SPIB: variants seen among roughly 807,000 people sequenced by gnomAD.
SPIB encodes Spi-B transcription factor.
SPIB carries 7 observed loss-of-function variants against 31.9 expected under a neutral mutation model. The ratio of observed to expected loss-of-function variants is 0.22; its 90% CI spans 0.12 to 0.41. The LOEUF is 0.41. SPIB is among the 10% of genes least tolerant of loss of function. The pLI is 1.00. For missense variants in SPIB, 327 were observed against 360.2 expected, an observed-to-expected ratio of 0.91 and a Z score of 0.75; for synonymous variants, 176 against 158.9, an observed-to-expected ratio of 1.11 and a Z score of -0.81.
intron 5 of SPIB, among the ~76,000 whole-genome samples, chr19:50,427,257 G>A (rs1167756517): frequency 6.6e-6 from 1 of 151,906 alleles, no homozygotes; most frequent in Non-Finnish European, 1.5e-5. Flanking sequence ...GGGCGCAGTG[G>A]CTCATGCCTG....
At chr19:50,427,978 AT>A in intron 5 of SPIB, 59 bp from the exon 6 acceptor site, 1 of 1,429,778 alleles carries the variant, frequency 7.0e-7, no homozygotes, top group Middle Eastern at 2.5e-4. Context: ...AGGAGGGTGG[AT>A]GGGGAAGGCG....
intron 4 of SPIB, among the ~76,000 whole-genome samples, 171 bp from the exon 5 acceptor site, chr19:50,423,434 G>T (rs1402369730): frequency 2.6e-5 from 4 of 152,120 alleles, no homozygotes; most frequent in African/African-American, 4.8e-5. Context: ...CTTTGAGGAG[G>T]TACCTCAGGT....
intron 5 of SPIB, among the ~76,000 whole-genome samples, chr19:50,425,585 C>T (rs546991729): frequency 6.6e-6 from 1 of 152,180 alleles, no homozygotes; most frequent in Admixed American, 6.5e-5. Flanking sequence ...GGACCACAGG[C>T]GTACACCACC....
chr19:50,422,910 C>A lies in SPIB; in HGVS notation c.212C>A (p.Pro71His). The A allele has an allele frequency of 6.2e-7, 1 of 1,606,912 alleles. No homozygotes were observed. Among genetic ancestry groups the A allele is most frequent in the South Asian group, 1.1e-5 (1 of 90,734 alleles). Reference sequence around the variant, plus strand: ...CCGGCAGCAGCCGCTTTTAGCCACCCCCAGGCTGCCCAGCTCTGCTACGAA... The same window carrying A: ...CCGGCAGCAGCCGCTTTTAGCCACCACCAGGCTGCCCAGCTCTGCTACGAA... ...FDPAAAAFSH[P>H]QAAQLCYEPP... Residue 71 changes from proline (P) to histidine (H), a missense_variant, in exon 4 of 6, where the codon CCC becomes CAC. Physicochemically the swap from Pro to His is moderately conservative, Grantham distance 77. Transcript: ENST00000595883.
chr19:50,427,577 G>A (rs978992193), intron 5 of SPIB, among the ~76,000 whole-genome samples: 1 of 152,162 alleles, frequency 6.6e-6, no homozygotes, highest in Admixed American at 6.5e-5. Flanking sequence ...GGCCTCTCCC[G>A]GGACCCTGTC....
rs1232950892 is a variant in SPIB at position 50,429,482 on chromosome 19, G to A, written c.*1146G>A. 6.6e-6 allele frequency: 1 copy of A among 151,552 alleles called. No individual in the cohort carries two copies. Among genetic ancestry groups the A allele is most frequent in the Non-Finnish European group, 1.5e-5 (1 of 68,034 alleles). 9.4% of individuals were successfully genotyped at this position (151,552 alleles called of 1,614,324 possible). A position where few individuals can be genotyped will look rare whatever the true frequency, so the allele number is the denominator to read the frequency against. On this transcript the variant is annotated 3_prime_UTR_variant, in exon 6 of 6. Coordinates refer to ENST00000595883, the MANE Select transcript of SPIB (RefSeq NM_003121.5). The stretch of plus-strand genomic sequence containing the variant: ...CTTTGGGAGGCGAGGCAGGGGGAAT[G>A]GCTTGAACCCAGGCATTCAAGACCA...
At chr19:50,419,790 G>C in intron 1 of SPIB, 156 bp from the exon 2 acceptor site, 1 of 641,320 alleles carries the variant, frequency 1.6e-6, no homozygotes, top group Non-Finnish European at 2.5e-6. Flanking sequence ...CCCAGCAGGG[G>C]GTAGTGGGGG....
At chr19:50,421,230 G>A (rs555122355) in intron 2 of SPIB, among the ~76,000 whole-genome samples, 79 of 152,288 alleles carry the variant, frequency 5.2e-4, no homozygotes, top group African/African-American at 1.8e-3. Flanking sequence ...CCAGGTCCTA[G>A]GCATGGTGTG....
chr19:50,423,197 C>A (rs374394428), intron 4 of SPIB, 160 bp downstream of exon 4: 46 of 419,996 alleles, frequency 1.1e-4, no homozygotes, highest in African/African-American at 8.4e-4. Context: ...AGAGCAAGAC[C>A]CTGTCTCAAA....
At chr19:50,419,132 C>T in intron 1 of SPIB, 147 bp downstream of exon 1, 1 of 905,390 alleles carries the variant, frequency 1.1e-6, no homozygotes, top group South Asian at 1.6e-5. Context: ...CTTGCCCCTT[C>T]TGGTTCTGTT....
intron 3 of SPIB, 40 bp from the exon 4 acceptor site, chr19:50,422,782 CG>C: frequency 7.4e-7 from 1 of 1,360,066 alleles, no homozygotes; most frequent in Non-Finnish European, 1.0e-6. Context: ...AGGAGGCCTC[CG>C]TGAGACATCC....
intron 4 of SPIB, 72 bp from the exon 5 acceptor site, chr19:50,423,533 C>T: frequency 6.4e-7 from 1 of 1,569,552 alleles, no homozygotes; most frequent in Non-Finnish European, 8.7e-7. Context: ...GGGCCACCGC[C>T]TTGGCCTGAG....
intron 4 of SPIB, 167 bp downstream of exon 4, chr19:50,423,204 C>CAA (rs59236153): frequency 0.017 from 4,832 of 283,746 alleles, 7 homozygotes; most frequent in South Asian, 0.022. Context: ...GACCCTGTCT[C>CAA]AAAAAAAAAA....
intron 3 of SPIB, 93 bp downstream of exon 3, chr19:50,422,638 C>A: frequency 7.0e-7 from 1 of 1,424,018 alleles, no homozygotes; most frequent in Non-Finnish European, 9.8e-7. Context: ...CCTAGCACAA[C>A]AGGATAAAGG....
intron 5 of SPIB, among the ~76,000 whole-genome samples, chr19:50,425,120 C>G (rs1177725049): frequency 6.6e-6 from 1 of 151,990 alleles, no homozygotes; most frequent in Non-Finnish European, 1.5e-5. Context: ...AATCCTCCTG[C>G]CTCAGCCTCC....
Position 50,422,943 on chromosome 19 carries a change from C to A in SPIB, c.245C>A (p.Thr82Asn). Residue 82 changes from threonine (T) to asparagine (N), a missense_variant, in exon 4 of 6, where the codon ACC becomes AAC. Around this residue, in one of 4 missense-constraint regions of SPIB, gnomAD observed 238 missense variants for 228.8 expected, o/e 1.04. Transcript: ENST00000595883. Reference sequence around the variant, plus strand: ...GCCCAGCTCTGCTACGAACCCCCCACCTACAGCCCTGCAGGGAACCTCGAA... The same window carrying A: ...GCCCAGCTCTGCTACGAACCCCCCAACTACAGCCCTGCAGGGAACCTCGAA... Reference protein sequence around the residue: ...QAAQLCYEPPTYSPAGNLELA... With the variant: ...QAAQLCYEPPNYSPAGNLELA... 1 of 1,595,116 alleles carries A rather than the reference C, an allele frequency of 6.3e-7. No homozygotes were observed. The highest frequency in any genetic ancestry group is 8.6e-7 in the Non-Finnish European group (1 of 1,166,988).
chr19:50,423,962 T>C (rs2039534332), intron 5 of SPIB, among the ~76,000 whole-genome samples: 1 of 152,088 alleles, frequency 6.6e-6, no homozygotes, highest in Admixed American at 6.6e-5. Flanking sequence ...ATGGAGGTGA[T>C]AGTGTCTACC....
intron 3 of SPIB, 107 bp downstream of exon 3, chr19:50,422,652 C>A: frequency 7.6e-7 from 1 of 1,309,598 alleles, no homozygotes; most frequent in Non-Finnish European, 1.1e-6. Context: ...ATAAAGGTGG[C>A]CCGGGCCTAT....
intron 5 of SPIB, 91 bp downstream of exon 5, chr19:50,423,846 T>C (rs2039533282): frequency 2.1e-6 from 3 of 1,428,864 alleles, no homozygotes; most frequent in Non-Finnish European, 1.9e-6. Flanking sequence ...CTACATATAC[T>C]CCAGCACTCT....
Sources: gnomAD v4.1 joint callset for allele counts (sites outside exome capture counted in the v4.1 genomes callset) on GRCh38, gnomAD v4.1.1 for gene constraint, gnomAD v4.1.1 regional missense constraint, MANE v1.5 for transcripts, NCBI Gene and HGNC (gene_info 2026-07-23, HGNC 2026-07-21) for gene names.